The following SYT17 variants were observed in gnomAD, a reference collection of about 807,000 sequenced individuals.
The protein encoded by SYT17 is synaptotagmin-17.
A neutral mutation model predicts 46.7 loss-of-function variants in SYT17; 22 were observed. The observed-to-expected ratio is 0.47, with a 90% CI of 0.34 to 0.67. The LOEUF is 0.67. Among genes scored for constraint, SYT17 ranks in the 30% least tolerant of loss-of-function variants. The pLI, the probability that SYT17 is intolerant of heterozygous loss-of-function variation, is 0.01. For missense variants in SYT17, 519 were observed against 612.8 expected, an observed-to-expected ratio of 0.85 and a Z score of 1.62; for synonymous variants, 251 against 248.4, an observed-to-expected ratio of 1.01 and a Z score of -0.10.
intron 5 of SYT17, among the ~76,000 whole-genome samples, chr16:19,222,312 G>A (rs1411831882): frequency 6.6e-6 from 1 of 151,676 alleles, no homozygotes; most frequent in Non-Finnish European, 1.5e-5. Context: ...TTTTTAAAAG[G>A]GGACAGAGAA....
chr16:19,248,351 C>T (rs1967742468), intron 7 of SYT17, among the ~76,000 whole-genome samples: 2 of 152,050 alleles, frequency 1.3e-5, no homozygotes, highest in South Asian at 4.1e-4. Context: ...ACCATCCAAC[C>T]CATGAATTAT....
intron 5 of SYT17, among the ~76,000 whole-genome samples, chr16:19,188,074 G>A (rs1419278717): frequency 1.3e-5 from 2 of 152,170 alleles, no homozygotes; most frequent in East Asian, 1.9e-4. Flanking sequence ...GCAAAGGCAT[G>A]GAATCGACCT....
At chr16:19,223,213 T>G in intron 6 of SYT17, 48 bp downstream of exon 6, 2 of 1,597,766 alleles carry the variant, frequency 1.3e-6, no homozygotes, top group Non-Finnish European at 1.7e-6. Context: ...GGGGCATCTG[T>G]GTTTGTGTGG....
Position 19,168,705 on chromosome 16 carries a change from G to C in SYT17, c.15+44G>C. 6.9e-7 allele frequency: 1 copy of C among 1,447,100 alleles called. No individual in the cohort carries two copies. Among genetic ancestry groups the C allele is most frequent in the Non-Finnish European group, 9.1e-7 (1 of 1,095,848 alleles). 89.6% of individuals were successfully genotyped at this position (1,447,100 alleles called of 1,614,324 possible). ...GCAAGGTCCGGGGTGCGGGTAGGGG[G>C]TGCCGCGCCCCCTCCGGCTGGGAGC... On this transcript the variant is annotated intron_variant, in intron 1 of 7. Transcript: ENST00000355377. The surrounding 1 kb of genome is among the most constrained non-coding windows in gnomAD (Gnocchi z 6.9).
At chr16:19,209,892 C>A (rs896435293) in intron 5 of SYT17, among the ~76,000 whole-genome samples, 1 of 79,856 alleles carries the variant, frequency 1.3e-5, no homozygotes, top group African/African-American at 9.0e-5. Context: ...CAAAACAAAA[C>A]AAAACAAAAA....
chr16:19,198,783 T>A (rs1324708867), intron 5 of SYT17, among the ~76,000 whole-genome samples: 2 of 152,264 alleles, frequency 1.3e-5, no homozygotes, highest in Non-Finnish European at 2.9e-5. Context: ...AGGCAAGGCC[T>A]CAATTAATGT....
At chr16:19,249,800 G>A in intron 7 of SYT17, 1 of 788,854 alleles carries the variant, frequency 1.3e-6, no homozygotes, top group East Asian at 2.9e-5. Context: ...CCTGGTTGGT[G>A]TTTCTGGCCA....
chr16:19,208,594 G>T (rs1965762796), intron 5 of SYT17, among the ~76,000 whole-genome samples: 1 of 152,134 alleles, frequency 6.6e-6, no homozygotes, highest in Admixed American at 6.5e-5. Flanking sequence ...CCCCTGACAT[G>T]TGGGGATTAA....
Position 19,168,852 on chromosome 16 carries a change from C to G in SYT17, c.15+191C>G, listed in dbSNP as rs1963969406. On this transcript the variant is annotated intron_variant, in intron 1 of 7. Coordinates refer to ENST00000355377, the MANE Select transcript of SYT17 (RefSeq NM_016524.4). The surrounding 1 kb of genome is among the most constrained non-coding windows in gnomAD (Gnocchi z 6.9). ...CCCGGGAGGAGAGACTGGGGACCCC[C>G]AAACCCCGGGATGGAGGGTCCTATG... 6.6e-6 allele frequency among the ~76,000 whole-genome samples: 1 copy of G among 152,122 alleles called. No homozygotes were observed. Among genetic ancestry groups the G allele is most frequent in the South Asian group, 2.1e-4 (1 of 4,830 alleles).
At chr16:19,187,324 A>C (rs1209642221) in intron 5 of SYT17, among the ~76,000 whole-genome samples, 1 of 152,160 alleles carries the variant, frequency 6.6e-6, no homozygotes. Flanking sequence ...GATTATTGGC[A>C]TGAGCTACTG....
intron 7 of SYT17, among the ~76,000 whole-genome samples, chr16:19,235,630 T>C (rs972079738): frequency 6.6e-6 from 1 of 152,210 alleles, no homozygotes; most frequent in African/African-American, 2.4e-5. Context: ...ATGTTGGAAT[T>C]ATCAGATGAA....
intron 5 of SYT17, among the ~76,000 whole-genome samples, chr16:19,220,537 G>T (rs1966277153): frequency 6.6e-6 from 1 of 151,992 alleles, no homozygotes; most frequent in Non-Finnish European, 1.5e-5. Context: ...GACCTTAGAT[G>T]ATCCACCCAC....
At chr16:19,185,549 A>C (rs1596909238) in intron 5 of SYT17, among the ~76,000 whole-genome samples, 1 of 151,976 alleles carries the variant, frequency 6.6e-6, no homozygotes, top group Non-Finnish European at 1.5e-5. Context: ...TGATCGAGCC[A>C]CTGCACTCAC....
rs1966388561 is a variant in SYT17 at position 19,223,262 on chromosome 16, T to C, written c.1072+97T>C. ...CTTTTTCCGTATCCTGGATGAGCAT[T>C]ACTCATCTCAGGATGAGGCAGGTAA... On this transcript the variant is annotated intron_variant, in intron 6 of 7. Coordinates refer to ENST00000355377, the MANE Select transcript of SYT17 (RefSeq NM_016524.4). 3 of 1,457,270 alleles carry C rather than the reference T, an allele frequency of 2.1e-6. No homozygotes were observed. In the East Asian group the frequency reaches 6.9e-5, roughly 34 times the overall value. The allele number at this position is 1,457,270 out of a possible 1,614,324, so 90.3% of individuals were successfully genotyped here.
Position 19,224,693 on chromosome 16 carries a change from G to A in SYT17, c.1083G>A (p.Val361=). 1 of 1,614,008 alleles carries A rather than the reference G, an allele frequency of 6.2e-7. No homozygotes were observed. The highest frequency in any genetic ancestry group is 1.1e-5 in the South Asian group (1 of 91,050). ...GTGTCTAATTTTCAGACCCCTTTGT[G>A]AAAATCCAGCTGGTGCATGGACTCA... ...TDVSQGSDPF[V]KIQLVHGLKL... Residue 361 remains valine (V), a synonymous_variant, in exon 7 of 8, where the codon GTG becomes GTA. Coordinates refer to ENST00000355377, the MANE Select transcript of SYT17 (RefSeq NM_016524.4).
At chr16:19,255,592 G>A (rs1367726721) in intron 7 of SYT17, among the ~76,000 whole-genome samples, 1 of 152,002 alleles carries the variant, frequency 6.6e-6, no homozygotes, top group African/African-American at 2.4e-5. Context: ...TCCAAGATCA[G>A]CCTGGACAAC....
chr16:19,240,564 C>A (rs977856795), intron 7 of SYT17, among the ~76,000 whole-genome samples: 1 of 152,164 alleles, frequency 6.6e-6, no homozygotes, highest in Non-Finnish European at 1.5e-5. Context: ...CTGATTGGTC[C>A]ATGGGCAGCC....
chr16:19,245,334 A>T (rs1967462924), intron 7 of SYT17, among the ~76,000 whole-genome samples: 1 of 152,110 alleles, frequency 6.6e-6, no homozygotes, highest in African/African-American at 2.4e-5. Context: ...TACAGTGAAC[A>T]CATAACCCCT....
At chr16:19,197,047 A>AC (rs1355916708) in intron 5 of SYT17, among the ~76,000 whole-genome samples, 1 of 152,210 alleles carries the variant, frequency 6.6e-6, no homozygotes, top group Non-Finnish European at 1.5e-5. Context: ...CTGGCACCTT[A>AC]CCAGACGAGG....
Sources: allele counts gnomAD v4.1 joint callset (sites outside exome capture counted in the v4.1 genomes callset), GRCh38; gene constraint gnomAD v4.1.1; non-coding constraint Gnocchi (gnomAD v3.1); transcripts MANE v1.5; gene names NCBI Gene and HGNC (gene_info 2026-07-23, HGNC 2026-07-21).